DEAF1: variants seen among roughly 807,000 people sequenced by gnomAD.
DEAF1 encodes DEAF1 transcription factor, also known as deformed epidermal autoregulatory factor 1 homolog.
DEAF1 carries 53 observed loss-of-function variants against 58.9 expected under a neutral mutation model. That is an observed-to-expected ratio of 0.90 (90% CI 0.72 to 1.13). The LOEUF is 1.13. Among genes scored for constraint, DEAF1 ranks in the 50% most tolerant of loss-of-function variants. The pLI is 0.00. For missense variants in DEAF1, 685 were observed against 791.4 expected (o/e 0.87, Z 1.61); for synonymous variants, 385 against 340.4 (o/e 1.13, Z -1.44).
At chr11:654,790 A>T (rs953993444) in intron 10 of DEAF1, 1 of 379,266 alleles carries the variant, frequency 2.6e-6, no homozygotes, top group African/African-American at 2.1e-5. Context: ...AATAGCTTGC[A>T]CCCAGGAGGC....
upstream of DEAF1, among the ~76,000 whole-genome samples, chr11:698,666 CAG>C (rs954291998): frequency 6.6e-6 from 1 of 152,130 alleles, no homozygotes; most frequent in African/African-American, 2.4e-5. Context: ...TTCTGAAAGG[CAG>C]AGACTCCTAG....
intron 2 of DEAF1, among the ~76,000 whole-genome samples, chr11:690,398 T>C (rs1027795478): frequency 2.1e-5 from 3 of 144,102 alleles, no homozygotes; most frequent in Non-Finnish European, 4.5e-5. Context: ...AAGTTTCTTA[T>C]GTTTTTACTG....
chr11:651,021 G>A (rs1385191963), intron 11 of DEAF1: 1 of 153,352 alleles, frequency 6.5e-6, no homozygotes, highest in Non-Finnish European at 1.4e-5. Flanking sequence ...AGAGTGCAGT[G>A]GAGTGATCTT....
At chr11:700,173 A>C (rs752884378), upstream of DEAF1, 18 of 1,614,044 alleles carry the variant, frequency 1.1e-5, no homozygotes, top group Admixed American at 1.0e-4. Context: ...ATGCTGTTTT[A>C]TCTCAGCGGA....
intron 10 of DEAF1, among the ~76,000 whole-genome samples, chr11:667,917 G>A (rs1859628864): frequency 6.6e-6 from 1 of 152,070 alleles, no homozygotes; most frequent in Non-Finnish European, 1.5e-5. Flanking sequence ...TTCAACACCA[G>A]CCTGAGCAAC....
chr11:661,241 C>A (rs1200420268), intron 10 of DEAF1, among the ~76,000 whole-genome samples: 1 of 152,164 alleles, frequency 6.6e-6, no homozygotes, highest in East Asian at 1.9e-4. Context: ...AGCCACTCGG[C>A]TGGCTTCCAC....
intron 1 of DEAF1, chr11:704,392 G>A (rs1384215415): frequency 3.4e-6 from 4 of 1,183,580 alleles, no homozygotes; most frequent in South Asian, 2.5e-5. Context: ...AGCGGTGGGA[G>A]CACCCAGTTG....
At chr11:698,727 C>A, upstream of DEAF1, 4 of 937,402 alleles carry the variant, frequency 4.3e-6, no homozygotes, top group South Asian at 4.2e-5. Context: ...TAGTGGCAGG[C>A]CCACGGTATA....
intron 9 of DEAF1, among the ~76,000 whole-genome samples, chr11:675,993 CTGGCA>C (rs1860041916): frequency 4.7e-5 from 1 of 21,338 alleles, no homozygotes; most frequent in Non-Finnish European, 1.2e-4. Flanking sequence ...CCCGGGGCAC[CTGGCA>C]CCCCCCGGCA....
intron 10 of DEAF1, among the ~76,000 whole-genome samples, chr11:667,474 C>CAG (rs1859602500): frequency 6.6e-6 from 1 of 151,750 alleles, no homozygotes; most frequent in Non-Finnish European, 1.5e-5. Context: ...GCAGGCTGGC[C>CAG]AGAAGATGAT....
At chr11:656,102 G>A (rs991218894) in intron 10 of DEAF1, among the ~76,000 whole-genome samples, 1 of 150,632 alleles carries the variant, frequency 6.6e-6, no homozygotes, top group African/African-American at 2.5e-5. Flanking sequence ...CCAAAGTGCT[G>A]GGATTACAGG....
chr11:698,920 C>G, upstream of DEAF1: 1 of 1,613,824 alleles, frequency 6.2e-7, no homozygotes, highest in Non-Finnish European at 8.5e-7. Context: ...CAGGACAGCA[C>G]CCAGAGGCCC....
At chr11:697,131 G>A (rs1316805200), upstream of DEAF1, among the ~76,000 whole-genome samples, 1 of 151,096 alleles carries the variant, frequency 6.6e-6, no homozygotes, top group Non-Finnish European at 1.5e-5. Flanking sequence ...CAGGGAGCCT[G>A]TGGTCCCAGC....
At position 688,437 on chromosome 11, in the gene DEAF1, G is replaced by A. The variant is rs373131091; in HGVS notation, c.411C>T (p.Ile137=). 49 of 1,613,594 alleles carry A rather than the reference G, an allele frequency of 3.0e-5. 1 individual carries two copies. The highest frequency in any genetic ancestry group is 1.6e-4 in the Middle Eastern group (1 of 6,084). ...CTTTTTCGGTGTTCAGGCTGTCCCC[G>A]ATCTGAAGGGCCGTCCTACCAGACT... ...HVLSGRTALQ[I]GDSLNTEKAT... is the part of the protein sequence containing the mutation. The change falls in exon 3 of 12, where the codon ATC becomes ATT. Residue 137 remains isoleucine (I), a synonymous_variant. Transcript: ENST00000382409. This position sits in a 1 kb window ranked among gnomAD's most constrained non-coding sequence, Gnocchi z 4.3.
intron 10 of DEAF1, among the ~76,000 whole-genome samples, chr11:672,770 C>G (rs1859886780): frequency 6.6e-6 from 1 of 152,074 alleles, no homozygotes; most frequent in Admixed American, 6.6e-5. Flanking sequence ...ATCACTTGAA[C>G]CCGGGAGGAG....
At chr11:660,552 G>T (rs1859275845) in intron 10 of DEAF1, among the ~76,000 whole-genome samples, 1 of 152,256 alleles carries the variant, frequency 6.6e-6, no homozygotes, top group Non-Finnish European at 1.5e-5. Flanking sequence ...ATTTCCGGGG[G>T]CTTCCACGCT....
chr11:664,286 G>A (rs1183883561), intron 10 of DEAF1, among the ~76,000 whole-genome samples: 3 of 151,154 alleles, frequency 2.0e-5, no homozygotes, highest in African/African-American at 7.3e-5. Context: ...AAAAAAAAAA[G>A]GAAAATGAAA....
rs539882835 is a variant in DEAF1 at position 680,993 on chromosome 11, T to C, written c.967A>G (p.Thr323Ala). The change falls in exon 7 of 12, where the codon ACA becomes GCA. Residue 323 changes from threonine to alanine, a missense_variant. This residue lies in a region of DEAF1 where 343 missense variants were observed against 379.8 expected (regional missense o/e 0.90). Coordinates refer to ENST00000382409, the MANE Select transcript of DEAF1 (RefSeq NM_021008.4). Reference protein sequence around the residue: ...PVKKDSPKNITLLPATAATTF... With the variant: ...PVKKDSPKNIALLPATAATTF... ...GTAGCCGCGGTGGCTGGAAGCAATG[T>C]GATGTTCTTGGGGGAGTCCTTCTTC... 6.2e-7 allele frequency: 1 copy of C among 1,614,110 alleles called. No homozygotes were observed. The highest frequency in any genetic ancestry group is 1.3e-5 in the African/African-American group (1 of 75,024).
intron 10 of DEAF1, among the ~76,000 whole-genome samples, chr11:658,019 G>A (rs1859141282): frequency 6.6e-6 from 1 of 152,220 alleles, no homozygotes; most frequent in Admixed American, 6.5e-5. Flanking sequence ...GCCATGCCCT[G>A]TGGGCTTTGA....
Sources: gnomAD v4.1 joint callset for allele counts (sites outside exome capture counted in the v4.1 genomes callset) on GRCh38, gnomAD v4.1.1 for gene constraint, gnomAD v4.1.1 regional missense constraint, Gnocchi (gnomAD v3.1) non-coding constraint, MANE v1.5 for transcripts, NCBI Gene and HGNC (gene_info 2026-07-23, HGNC 2026-07-21) for gene names.